The following KCNC3 variants were observed in gnomAD, a reference collection of about 807,000 sequenced individuals.
KCNC3 encodes potassium voltage-gated channel subfamily C member 3.
A neutral mutation model predicts 43.9 loss-of-function variants in KCNC3; 22 were observed. The observed-to-expected ratio is 0.50, with a 90% CI of 0.36 to 0.72. The LOEUF (loss-of-function observed/expected upper bound fraction) is 0.72, where lower values mean the gene tolerates loss of function less well. Among genes scored for constraint, KCNC3 ranks in the 30% least tolerant of loss-of-function variants. The pLI is 0.00. For missense variants in KCNC3, 829 were observed against 1,073.8 expected, an observed-to-expected ratio of 0.77 and a Z score of 3.19; for synonymous variants, 492 against 488.0, an observed-to-expected ratio of 1.01 and a Z score of -0.11.
In KCNC3 at chr19:50,315,696, G is replaced by A; in HGVS notation, c.*419C>T. The A allele has an allele frequency of 8.1e-6, 1 of 124,178 alleles. No individual in the cohort carries two copies. The highest frequency in any genetic ancestry group is 3.3e-4 in the South Asian group (1 of 2,988). 7.7% of individuals were successfully genotyped at this position (124,178 alleles called of 1,614,324 possible). ...TCCTCCAGAAGATTCTAAGGACGGG[G>A]TCGGGGGTGGGGGGCGGTGAGGCGG... is the stretch of plus-strand genomic sequence containing the variant. On this transcript the variant is annotated 3_prime_UTR_variant, in exon 5 of 5. Coordinates refer to ENST00000477616, the MANE Select transcript of KCNC3 (RefSeq NM_004977.3).
rs77696005 is a variant in KCNC3, at chr19:50,314,445, A to C, written c.*1670T>G. 16,671 of 176,990 alleles carry C rather than the reference A, an allele frequency of 0.094. 1,112 individuals carry two copies. The highest frequency in any genetic ancestry group is 0.19 in the African/African-American group (8,048 of 41,624). 11.0% of individuals were successfully genotyped at this position (176,990 alleles called of 1,614,324 possible). ...GAGTGCCTGCCCCTCAAACCCGCGC[A>C]TGCGGCCCCTGGCGGCTTATTGCTG... On this transcript the variant is annotated 3_prime_UTR_variant, in exon 5 of 5. Transcript: ENST00000477616.
Position 50,323,348 on chromosome 19 carries a change from C to T in KCNC3, c.1605G>A (p.Val535=). ...TGCCAAAGTTGTTGACAATGACGGG[C>T]ACAGGCATGGCGATGGTCAGCACCC... The part of the protein sequence containing the change: ...LAGVLTIAMP[V]PVIVNNFGMY... The change falls in exon 2 of 5, where the codon GTG becomes GTA. Residue 535 remains valine (V), a synonymous_variant. Transcript: ENST00000477616. 1 of 1,614,162 alleles carries T rather than the reference C, an allele frequency of 6.2e-7. No individual in the cohort carries two copies. Among genetic ancestry groups the T allele is most frequent in the Non-Finnish European group, 8.5e-7 (1 of 1,180,040 alleles).
rs1384395551 is a variant in KCNC3 at position 50,328,827 on chromosome 19, C to A, written c.256G>T (p.Asp86Tyr). 2 of 1,495,138 alleles carry A rather than the reference C, an allele frequency of 1.3e-6. No homozygotes were observed. The highest frequency in any genetic ancestry group is 2.1e-5 in the Admixed American group (1 of 47,238). The allele number at this position is 1,495,138 out of a possible 1,614,324, so 92.6% of individuals were successfully genotyped here. The change falls in exon 1 of 5, where the codon GAC (aspartate) becomes TAC (tyrosine). Residue 86 changes from aspartate (D) to tyrosine (Y), a missense_variant. By Grantham distance (160) the Asp-to-Tyr change is radical (BLOSUM62 -3). Coordinates refer to ENST00000477616, the MANE Select transcript of KCNC3 (RefSeq NM_004977.3). ...AMGRHGGGGG[D>Y]SGKIVINVGG... ...ACGTTGATCACGATCTTGCCGCTGT[C>A]GCCACCGCCGCCGCCGTGCCGCCCC...
At chr19:50,333,287 G>C (rs1286242517), upstream of KCNC3, among the ~76,000 whole-genome samples, 2 of 152,172 alleles carry the variant, frequency 1.3e-5, no homozygotes, top group Non-Finnish European at 2.9e-5. Context: ...AGGCTGCAGA[G>C]GGGGGAGTGA....
chr19:50,322,886 C>G, intron 2 of KCNC3, 89 bp downstream of exon 2: 1 of 1,393,838 alleles, frequency 7.2e-7, no homozygotes, highest in South Asian at 1.4e-5. Flanking sequence ...CGACGCCAAC[C>G]ACCCCAGGTT....
upstream of KCNC3, among the ~76,000 whole-genome samples, chr19:50,333,278 G>A (rs1162526479): frequency 6.6e-6 from 1 of 152,232 alleles, no homozygotes; most frequent in African/African-American, 2.4e-5. Context: ...GGCAGCAAGA[G>A]GCTGCAGAGG....
intron 1 of KCNC3, among the ~76,000 whole-genome samples, chr19:50,327,996 C>G (rs1412779091): frequency 9.4e-5 from 13 of 138,182 alleles, no homozygotes; most frequent in Non-Finnish European, 1.6e-4. Flanking sequence ...TGGAAGAGCC[C>G]GAAGGTTGGA....
chr19:50,322,952 C>T (rs986880529), intron 2 of KCNC3, 23 bp downstream of exon 2: 36 of 1,549,832 alleles, frequency 2.3e-5, no homozygotes, highest in Middle Eastern at 1.9e-4. Flanking sequence ...CCTGTGCCCC[C>T]GATCCCTGAC....
At position 50,323,165 on chromosome 19, in the gene KCNC3, C is replaced by A; in HGVS notation, c.1788G>T (p.Pro596=). The A allele has an allele frequency of 6.6e-7, 1 of 1,514,346 alleles. No individual in the cohort carries two copies. Among genetic ancestry groups the A allele is most frequent in the Non-Finnish European group, 8.9e-7 (1 of 1,127,860 alleles). 93.8% of individuals were successfully genotyped at this position (1,514,346 alleles called of 1,614,324 possible). The change falls in exon 2 of 5, where the codon CCG becomes CCT. Residue 596 remains proline (P), a synonymous_variant. Transcript: ENST00000477616. ...TGGAGGGTGGGGTGATGGGTGGCGG[C>A]GGGCTGATGCCCCCGCTGCCGTGGT... ...HPHHGSGGIS[P]PPPITPPSMG...
intron 2 of KCNC3, among the ~76,000 whole-genome samples, chr19:50,321,401 G>A (rs762012155): frequency 1.3e-5 from 2 of 152,244 alleles, no homozygotes; most frequent in Non-Finnish European, 2.9e-5. Flanking sequence ...CTGGGAGGTC[G>A]GCCTGCAGTG....
intron 1 of KCNC3, among the ~76,000 whole-genome samples, chr19:50,327,370 AAC>A (rs2037119438): frequency 6.6e-6 from 1 of 152,018 alleles, no homozygotes; most frequent in African/African-American, 2.4e-5. Flanking sequence ...AAGAGTGTTA[AAC>A]ACAGAGTGAA....
At chr19:50,322,086 G>T (rs1468036803) in intron 2 of KCNC3, among the ~76,000 whole-genome samples, 1 of 151,982 alleles carries the variant, frequency 6.6e-6, no homozygotes, top group Non-Finnish European at 1.5e-5. Flanking sequence ...GTCAGCGGCT[G>T]AGGGAGCAAG....
At position 50,323,766 on chromosome 19, in the gene KCNC3, A is replaced by G; in HGVS notation, c.1187T>C (p.Val396Ala). The change falls in exon 2 of 5, where the codon GTG (valine) becomes GCG (alanine). Residue 396 changes from valine to alanine, a missense_variant. Val to Ala is a moderately conservative substitution (Grantham distance 64). Transcript: ENST00000477616. ...CVAILPFYLE[V>A]GLSGLSSKAA... ...CTTGGAGCTGAGGCCCGAGAGGCCCACCTCGAGATAGAAGGGCAGGATGGC... is the reference window on the plus strand; with the variant it reads ...CTTGGAGCTGAGGCCCGAGAGGCCCGCCTCGAGATAGAAGGGCAGGATGGC... 1.9e-6 allele frequency: 3 copies of G among 1,614,176 alleles called. No homozygotes were observed. Among genetic ancestry groups the G allele is most frequent in the Non-Finnish European group, 2.5e-6 (3 of 1,180,040 alleles).
chr19:50,319,373 G>A (rs2036997788), intron 4 of KCNC3, among the ~76,000 whole-genome samples: 1 of 151,830 alleles, frequency 6.6e-6, no homozygotes, highest in Non-Finnish European at 1.5e-5. Context: ...AGACCCCAGA[G>A]CTGCCCCTCC....
rs2037146884 is a variant in KCNC3 at position 50,329,040 on chromosome 19, C to A, written c.43G>T (p.Gly15Trp). 4.5e-6 allele frequency: 6 copies of A among 1,343,404 alleles called. No homozygotes were observed. Among genetic ancestry groups the A allele is most frequent in the Non-Finnish European group, 4.8e-6 (5 of 1,043,600 alleles). 83.2% of individuals were successfully genotyped at this position (1,343,404 alleles called of 1,614,324 possible). The change falls in exon 1 of 5, where the codon GGG (glycine) becomes TGG (tryptophan). Residue 15 changes from glycine (G) to tryptophan (W), a missense_variant. Transcript: ENST00000477616. ...VCVSSFRGRQ[G>W]ASKQQPAPPP... The stretch of plus-strand genomic sequence containing the variant: ...GGCGCCGGCTGCTGCTTGCTGGCCC[C>A]CTGGCGCCCGCGGAAGGACGAGACG...
At chr19:50,333,232 G>A (rs1266748057), upstream of KCNC3, among the ~76,000 whole-genome samples, 2 of 152,154 alleles carry the variant, frequency 1.3e-5, no homozygotes, top group Non-Finnish European at 2.9e-5. Context: ...CGGGGCTCGA[G>A]ATGGGGGGAG....
chr19:50,318,062 G>A (rs1000491360), intron 4 of KCNC3, among the ~76,000 whole-genome samples: 5 of 152,194 alleles, frequency 3.3e-5, no homozygotes, highest in African/African-American at 1.2e-4. Context: ...CAAAGTGCTG[G>A]GGTTATAGGC....
chr19:50,328,282 TGTGCCGCCC>T lies in KCNC3; in HGVS notation c.792_800del (p.Gly265_Thr267del). 1 of 1,179,142 alleles carries T rather than the reference TGTGCCGCCC, an allele frequency of 8.5e-7. No individual in the cohort carries two copies. The highest frequency in any genetic ancestry group is 4.1e-5 in the South Asian group (1 of 24,212). The allele number at this position is 1,179,142 out of a possible 1,614,324, so 73.0% of individuals were successfully genotyped here. On this transcript the variant is annotated inframe_deletion, in exon 1 of 5. Coordinates refer to ENST00000477616, the MANE Select transcript of KCNC3 (RefSeq NM_004977.3). ...CGCGGGGCTGCCAGCGGCGCCACCA[TGTGCCGCCC>T]GCGCCGCCCGCGCCCCCTGGCGGCC...
At chr19:50,327,704 G>A (rs535924168) in intron 1 of KCNC3, among the ~76,000 whole-genome samples, 75 of 152,160 alleles carry the variant, frequency 4.9e-4, no homozygotes, top group African/African-American at 1.4e-3. Flanking sequence ...AGGGAAAGTG[G>A]GGGTCAGGGC....
Sources: gnomAD v4.1 joint callset for allele counts (sites outside exome capture counted in the v4.1 genomes callset) on GRCh38, gnomAD v4.1.1 for gene constraint, MANE v1.5 for transcripts, NCBI Gene and HGNC (gene_info 2026-07-23, HGNC 2026-07-21) for gene names.